COL23A1: variants seen among roughly 807,000 people sequenced by gnomAD.
COL23A1 encodes the protein collagen alpha-1(XXIII) chain.
COL23A1 carries 97 observed loss-of-function variants against 99.3 expected under a neutral mutation model. The ratio of observed to expected loss-of-function variants is 0.98; its 90% confidence interval spans 0.83 to 1.16. The LOEUF (loss-of-function observed/expected upper bound fraction) is 1.16, where lower values mean the gene tolerates loss of function less well. Ranked by LOEUF, COL23A1 falls within the 50% of genes most tolerant of loss-of-function variation. COL23A1 has a pLI of 0.00. For synonymous variants in COL23A1, 320 were observed against 308.2 expected (o/e 1.04, Z -0.40); for missense variants, 762 against 757.4 (o/e 1.01, Z -0.07).
At chr5:178,358,465 GTA>G (rs1280481315) in intron 2 of COL23A1, among the ~76,000 whole-genome samples, 12 of 147,730 alleles carry the variant, frequency 8.1e-5, no homozygotes, top group African/African-American at 1.5e-4. Flanking sequence ...ATGCGTATGT[GTA>G]TGTGCGTATG....
chr5:178,246,146 C>G lies in COL23A1; in HGVS notation c.1413+108G>C. 3 of 1,332,862 alleles carry G rather than the reference C, an allele frequency of 2.3e-6. No homozygotes were observed. In the South Asian group the frequency reaches 3.7e-5, roughly 16 times the overall value. The allele number at this position is 1,332,862 out of a possible 1,614,324, so 82.6% of individuals were successfully genotyped here. A position where few individuals can be genotyped will look rare whatever the true frequency, so the allele number is the denominator to read the frequency against. ...CATCCACAGAGCCTGAACTCTGGCC[C>G]TGCGAAGTGCAGGGACCCAGTGAGG... On this transcript the variant is annotated intron_variant, in intron 24 of 28. Coordinates refer to ENST00000390654, the MANE Select transcript of COL23A1 (RefSeq NM_173465.4).
At chr5:178,342,052 A>G (rs371778101) in intron 2 of COL23A1, among the ~76,000 whole-genome samples, 12 of 150,488 alleles carry the variant, frequency 8.0e-5, no homozygotes, top group African/African-American at 2.7e-4. Flanking sequence ...CGAAAGCTCC[A>G]TGGCAGGGGG....
chr5:178,279,691 G>C lies in COL23A1; in HGVS notation c.441+8633C>G, dbSNP rs529596250. The stretch of plus-strand genomic sequence containing the variant: ...ATTCCTCAAGGCTGGGTGCTCCAGG[G>C]ACACAGGCTTCTCACCTCCCCCTAC... On this transcript the variant is annotated intron_variant, in intron 5 of 28. Transcript: ENST00000390654. Among the ~76,000 whole-genome samples, 6 of 152,272 alleles carry C rather than the reference G, an allele frequency of 3.9e-5. No individual in the cohort carries two copies. The South Asian group carries it at 8.3e-4, about 21-fold the overall frequency.
rs672277 is a variant in COL23A1, at chr5:178,468,044, C to G, written c.361+92638G>C. 0.044 allele frequency among the ~76,000 whole-genome samples: 6,744 copies of G among 152,222 alleles called. 486 individuals are homozygous for G. Among genetic ancestry groups the G allele is most frequent in the African/African-American group, 0.15 (6,090 of 41,484 alleles). On this transcript the variant is annotated intron_variant, in intron 2 of 28. Transcript: ENST00000390654. The surrounding 1 kb of genome is among the most constrained non-coding windows in gnomAD (Gnocchi z 4.2). ...GGACAGGCGTATTTAATATCCCACC[C>G]ACGCATCACCTAACAGCCTCTGGGG...
At chr5:178,354,871 A>G (rs1761540214) in intron 2 of COL23A1, among the ~76,000 whole-genome samples, 1 of 152,126 alleles carries the variant, frequency 6.6e-6, no homozygotes, top group Non-Finnish European at 1.5e-5. Context: ...AGCCTGGGCA[A>G]TACGGTGAAA....
Position 178,468,267 on chromosome 5 carries a change from C to A in COL23A1, c.361+92415G>T, listed in dbSNP as rs1441182841. ...AAGCCGCCAGTGTCGAGCAGAGGGCCCCTGCAGGAAGATCGGGAAGGTCTA... is the reference window on the plus strand; with the variant it reads ...AAGCCGCCAGTGTCGAGCAGAGGGCACCTGCAGGAAGATCGGGAAGGTCTA... On this transcript the variant is annotated intron_variant, in intron 2 of 28. Coordinates refer to ENST00000390654, the MANE Select transcript of COL23A1 (RefSeq NM_173465.4). This position sits in a 1 kb window ranked among gnomAD's most constrained non-coding sequence, Gnocchi z 4.2. Among the ~76,000 whole-genome samples, 2 of 151,692 alleles carry A rather than the reference C, an allele frequency of 1.3e-5. No homozygotes were observed. The highest frequency in any genetic ancestry group is 2.4e-5 in the African/African-American group (1 of 41,308).
intron 2 of COL23A1, among the ~76,000 whole-genome samples, chr5:178,457,172 A>G (rs1328229475): frequency 1.3e-5 from 2 of 152,226 alleles, no homozygotes; most frequent in African/African-American, 2.4e-5. Flanking sequence ...AAGATTGAAC[A>G]GAAATAAAAG....
At chr5:178,382,295 T>A (rs973752298) in intron 2 of COL23A1, among the ~76,000 whole-genome samples, 3 of 152,084 alleles carry the variant, frequency 2.0e-5, no homozygotes, top group East Asian at 3.9e-4. Context: ...TAAGGGTGGG[T>A]CAACTGGTCA....
Position 178,321,090 on chromosome 5 carries a change from T to A in COL23A1, c.362-14171A>T, listed in dbSNP as rs574148663. Among the ~76,000 whole-genome samples, 4 of 152,364 alleles carry A rather than the reference T, an allele frequency of 2.6e-5. No homozygotes were observed. The East Asian group carries it at 7.7e-4, about 29-fold the overall frequency. ...GTTCATCCAGTGGTTTTTGGAAGAT[T>A]ACACTGTATTTGTAAATTTCTAAAC... On this transcript the variant is annotated intron_variant, in intron 2 of 28. Coordinates refer to ENST00000390654, the MANE Select transcript of COL23A1 (RefSeq NM_173465.4).
chr5:178,356,227 T>C (rs1340215805), intron 2 of COL23A1, among the ~76,000 whole-genome samples: 2 of 151,760 alleles, frequency 1.3e-5, no homozygotes, highest in Non-Finnish European at 2.9e-5. Flanking sequence ...GGACAGCCAA[T>C]GGGTACAGGA....
At chr5:178,507,048 G>A (rs1481351573) in intron 2 of COL23A1, among the ~76,000 whole-genome samples, 1 of 152,110 alleles carries the variant, frequency 6.6e-6, no homozygotes, top group East Asian at 1.9e-4. Context: ...ATAAAACAGG[G>A]TACATTTCTG....
intron 5 of COL23A1, among the ~76,000 whole-genome samples, chr5:178,277,575 G>A (rs1756660525): frequency 6.6e-6 from 1 of 152,258 alleles, no homozygotes; most frequent in Non-Finnish European, 1.5e-5. Flanking sequence ...CAGGGCATCT[G>A]ATTTGTAACC....
At chr5:178,250,028 T>C in intron 18 of COL23A1, 33 bp downstream of exon 18, 1 of 1,613,124 alleles carries the variant, frequency 6.2e-7, no homozygotes, top group East Asian at 2.2e-5. Flanking sequence ...TACCAGGCAC[T>C]GGCATCACCA....
At chr5:178,324,341 T>A (rs1759518696) in intron 2 of COL23A1, among the ~76,000 whole-genome samples, 1 of 152,202 alleles carries the variant, frequency 6.6e-6, no homozygotes, top group African/African-American at 2.4e-5. Flanking sequence ...TTTTACGAAA[T>A]ATTTCCAGCC....
rs62389380 is a variant in COL23A1 at position 178,357,770 on chromosome 5, A to G, written c.362-50851T>C. The stretch of plus-strand genomic sequence containing the variant: ...TGTATGTGTGTGTGTACGTGTATGT[A>G]TGTGTGTATGTGTATGTGTGTGTGT... On this transcript the variant is annotated intron_variant, in intron 2 of 28. Coordinates refer to ENST00000390654, the MANE Select transcript of COL23A1 (RefSeq NM_173465.4). Among the ~76,000 whole-genome samples the G allele has an allele frequency of 9.9e-4, 124 of 125,542 alleles. 1 individual carries two copies. The highest frequency in any genetic ancestry group is 1.3e-3 in the Non-Finnish European group (75 of 58,622). 82.4% of individuals were successfully genotyped at this position (125,542 alleles called of 152,430 possible).
At chr5:178,339,660 TA>T (rs751755250) in intron 2 of COL23A1, among the ~76,000 whole-genome samples, 1 of 151,994 alleles carries the variant, frequency 6.6e-6, no homozygotes, top group African/African-American at 2.4e-5. Context: ...TGCACTGGAG[TA>T]AACATGAGTG....
At position 178,418,438 on chromosome 5, in the gene COL23A1, C is replaced by T. The variant is rs894323193; in HGVS notation, c.362-111519G>A. ...CCTGGAGAGATCCTGATTCTGTTGTCCCCTTAGCAAGAAACTGGAACCAGC... is the reference window on the plus strand; with the variant it reads ...CCTGGAGAGATCCTGATTCTGTTGTTCCCTTAGCAAGAAACTGGAACCAGC... On this transcript the variant is annotated intron_variant, in intron 2 of 28. Coordinates refer to ENST00000390654, the MANE Select transcript of COL23A1 (RefSeq NM_173465.4). 5.3e-4 allele frequency among the ~76,000 whole-genome samples: 81 copies of T among 152,216 alleles called. 1 individual carries two copies. The highest frequency in any genetic ancestry group is 3.1e-4 in the Non-Finnish European group (21 of 68,034).
chr5:178,535,600 T>C (rs751989397), intron 2 of COL23A1, among the ~76,000 whole-genome samples: 4 of 152,260 alleles, frequency 2.6e-5, no homozygotes, highest in Non-Finnish European at 5.9e-5. Context: ...GTCAGAAGCC[T>C]GGGCTACAGA....
intron 2 of COL23A1, among the ~76,000 whole-genome samples, chr5:178,318,902 C>CA (rs34021116): frequency 0.58 from 79,841 of 136,840 alleles, 23,207 homozygotes; most frequent in Non-Finnish European, 0.67. Context: ...ACTTCATCTC[C>CA]AAAAAAAAAA....
Sources: allele counts gnomAD v4.1 joint callset (sites outside exome capture counted in the v4.1 genomes callset), GRCh38; gene constraint gnomAD v4.1.1; non-coding constraint Gnocchi (gnomAD v3.1); transcripts MANE v1.5; gene names NCBI Gene and HGNC (gene_info 2026-07-23, HGNC 2026-07-21).